The following HSF2BP variants were observed in gnomAD, a reference collection of about 807,000 sequenced individuals.
HSF2BP encodes the protein heat shock transcription factor 2 binding protein.
Under a neutral mutation model 35.0 loss-of-function variants are expected in HSF2BP, and 35 were observed. The observed-to-expected ratio is 1.00, with a 90% confidence interval of 0.76 to 1.32. The LOEUF is 1.32. Among genes scored for constraint, HSF2BP ranks in the 40% most tolerant of loss-of-function variants. The pLI is 0.00. For synonymous variants in HSF2BP, 114 were observed against 117.4 expected (o/e 0.97, Z 0.18); for missense variants, 326 against 321.7 (o/e 1.01, Z -0.10).
chr21:43,624,328 T>G (rs1160583261), intron 6 of HSF2BP, among the ~76,000 whole-genome samples: 2 of 152,234 alleles, frequency 1.3e-5, no homozygotes, highest in Non-Finnish European at 2.9e-5. Context: ...TTCTTCCACA[T>G]GCAGAGTCAC....
intron 6 of HSF2BP, among the ~76,000 whole-genome samples, chr21:43,625,397 A>G (rs1199740197): frequency 6.6e-6 from 1 of 152,216 alleles, no homozygotes; most frequent in Non-Finnish European, 1.5e-5. Flanking sequence ...ACAAATCACA[A>G]AATCAGTGGT....
chr21:43,633,242 A>G lies in HSF2BP; in HGVS notation c.441+30T>C, dbSNP rs978451981. The G allele has an allele frequency of 5.0e-6, 8 of 1,594,742 alleles. No homozygotes were observed. The Admixed American group carries it at 1.1e-4, about 22-fold the overall frequency. On this transcript the variant is annotated intron_variant, in intron 5 of 8. Coordinates refer to ENST00000291560, the MANE Select transcript of HSF2BP (RefSeq NM_007031.2). ...TAATTTACACAAGCAGTAATCAACA[A>G]TATCTGGAGAGCCCACTGACCATAC...
intron 6 of HSF2BP, among the ~76,000 whole-genome samples, chr21:43,626,398 A>G (rs1367588229): frequency 2.6e-5 from 4 of 152,244 alleles, no homozygotes; most frequent in African/African-American, 9.6e-5. Context: ...AATAATTCAA[A>G]CTTAAAGCTG....
rs73908319 is a variant in HSF2BP at position 43,571,598 on chromosome 21, G to A, written c.796+20627C>T. Among the ~76,000 whole-genome samples, 28 of 6,280 alleles carry A rather than the reference G, an allele frequency of 4.5e-3. 2 individuals are homozygous for A. Among genetic ancestry groups the A allele is most frequent in the African/African-American group, 0.016 (22 of 1,334 alleles). The allele number at this position is 6,280 out of a possible 152,430, so 4.1% of individuals were successfully genotyped here. ...CTATAGGCCAGGGGGAGTGTGCGGC[G>A]GCTCAGCCCCTCTATTCACTGCCAC... is the stretch of plus-strand genomic sequence containing the variant. On this transcript the variant is annotated intron_variant, in intron 8 of 8. Transcript: ENST00000291560.
At chr21:43,610,302 C>G (rs1292322061) in intron 7 of HSF2BP, among the ~76,000 whole-genome samples, 1 of 151,988 alleles carries the variant, frequency 6.6e-6, no homozygotes, top group Non-Finnish European at 1.5e-5. Context: ...TAAAAATACT[C>G]TTTAAGGCCA....
At chr21:43,636,899 A>C (rs1199617606) in intron 4 of HSF2BP, among the ~76,000 whole-genome samples, 3 of 138,960 alleles carry the variant, frequency 2.2e-5, no homozygotes, top group African/African-American at 6.6e-5. Context: ...CAAAACAAAA[A>C]AAAAAAAAAA....
At chr21:43,642,940 G>A (rs1482595020) in intron 4 of HSF2BP, among the ~76,000 whole-genome samples, 1 of 151,560 alleles carries the variant, frequency 6.6e-6, no homozygotes, top group Non-Finnish European at 1.5e-5. Context: ...TCGAACTCCT[G>A]ACCGCAAGCG....
intron 1 of HSF2BP, 115 bp from the exon 2 acceptor site, chr21:43,658,435 G>C: frequency 3.3e-6 from 1 of 304,770 alleles, no homozygotes; most frequent in East Asian, 6.0e-5. Context: ...GTTCAAATGG[G>C]CAGTCTTTGC....
chr21:43,650,590 G>A (rs1247938673), intron 3 of HSF2BP, among the ~76,000 whole-genome samples: 3 of 151,286 alleles, frequency 2.0e-5, no homozygotes, highest in Admixed American at 6.6e-5. Context: ...ACTGTTGGAT[G>A]AATAAAGCAC....
intron 3 of HSF2BP, among the ~76,000 whole-genome samples, chr21:43,656,245 G>A (rs751112992): frequency 3.3e-5 from 5 of 152,186 alleles, no homozygotes; most frequent in Non-Finnish European, 7.3e-5. Flanking sequence ...TCCATGCAAG[G>A]TTTCCATTTG....
intron 6 of HSF2BP, among the ~76,000 whole-genome samples, chr21:43,624,413 T>C (rs1319830170): frequency 2.0e-5 from 3 of 152,182 alleles, no homozygotes; most frequent in African/African-American, 7.2e-5. Context: ...CCGAAGGTCA[T>C]ATATTCAAGA....
intron 4 of HSF2BP, among the ~76,000 whole-genome samples, chr21:43,639,204 A>C (rs2082604270): frequency 6.6e-6 from 1 of 152,270 alleles, no homozygotes; most frequent in African/African-American, 2.4e-5. Context: ...ACCATTAAGA[A>C]AAAAGAATGG....
At chr21:43,623,554 C>T (rs147302080) in intron 6 of HSF2BP, among the ~76,000 whole-genome samples, 53 of 152,252 alleles carry the variant, frequency 3.5e-4, no homozygotes, top group African/African-American at 1.3e-3. Flanking sequence ...AGTGTCCATG[C>T]CCAGAAGAGA....
chr21:43,573,510 T>G (rs1015416597), intron 8 of HSF2BP, among the ~76,000 whole-genome samples: 1 of 152,218 alleles, frequency 6.6e-6, no homozygotes, highest in Non-Finnish European at 1.5e-5. Context: ...CCCAAAACTC[T>G]AATCAAAATG....
At chr21:43,629,744 G>C (rs187172295) in intron 6 of HSF2BP, among the ~76,000 whole-genome samples, 6 of 152,294 alleles carry the variant, frequency 3.9e-5, no homozygotes, top group East Asian at 1.9e-4. Flanking sequence ...TCTTGAGATG[G>C]AATCTACTCT....
At position 43,597,533 on chromosome 21, in the gene HSF2BP, T is replaced by G. The variant is rs866210095; in HGVS notation, c.693-5205A>C. On this transcript the variant is annotated intron_variant, in intron 7 of 8. Transcript: ENST00000291560. The surrounding 1 kb of genome is among the most constrained non-coding windows in gnomAD (Gnocchi z 4.3). ...CAAAACTTTAATTTTTTACTTTTTTTTCCTAGAGCTAGGGTCTCACTTTGT... is the reference window on the plus strand; with the variant it reads ...CAAAACTTTAATTTTTTACTTTTTTGTCCTAGAGCTAGGGTCTCACTTTGT... Among the ~76,000 whole-genome samples the G allele has an allele frequency of 7.9e-5, 12 of 152,186 alleles. No individual in the cohort carries two copies. The highest frequency in any genetic ancestry group is 2.9e-4 in the African/African-American group (12 of 41,430).
At position 43,535,719 on chromosome 21, in the gene HSF2BP, TAA is replaced by T. The variant is rs1277082779; in HGVS notation, c.797-5759_797-5758del. The stretch of plus-strand genomic sequence containing the variant: ...AATAAAATAAAATAATAAAATAAAA[TAA>T]AATAAAATAAAATAAAATAAAATAA... On this transcript the variant is annotated intron_variant, in intron 8 of 8. Coordinates refer to ENST00000291560, the MANE Select transcript of HSF2BP (RefSeq NM_007031.2). Among the ~76,000 whole-genome samples the T allele has an allele frequency of 1.1e-3, 5 of 4,386 alleles. 2 individuals are homozygous for T. Among genetic ancestry groups the T allele is most frequent in the Admixed American group, 3.6e-3 (2 of 554 alleles). 2.9% of individuals were successfully genotyped at this position (4,386 alleles called of 152,430 possible).
At chr21:43,615,755 T>C (rs1429329939) in intron 6 of HSF2BP, among the ~76,000 whole-genome samples, 9 of 152,132 alleles carry the variant, frequency 5.9e-5, no homozygotes, top group Non-Finnish European at 1.2e-4. Flanking sequence ...ACTAAGGAAA[T>C]ATTTTAGGAG....
At chr21:43,655,424 C>G (rs2082853314) in intron 3 of HSF2BP, among the ~76,000 whole-genome samples, 1 of 152,154 alleles carries the variant, frequency 6.6e-6, no homozygotes, top group Admixed American at 6.5e-5. Flanking sequence ...GAGGGGAGAG[C>G]AGAGATAACA....
Sources: allele counts gnomAD v4.1 joint callset (sites outside exome capture counted in the v4.1 genomes callset), GRCh38; gene constraint gnomAD v4.1.1; non-coding constraint Gnocchi (gnomAD v3.1); transcripts MANE v1.5; gene names NCBI Gene and HGNC (gene_info 2026-07-23, HGNC 2026-07-21).